Variants in CEP126 observed in about 807,000 individuals in gnomAD.
CEP126 encodes the protein centrosomal protein of 126 kDa.
Under a neutral mutation model 107.8 loss-of-function variants are expected in CEP126, and 74 were observed. That is an observed-to-expected ratio of 0.69 (90% CI 0.57 to 0.83). CEP126 has a LOEUF of 0.83. Among genes scored for constraint, CEP126 ranks in the 40% least tolerant of loss-of-function variants. The probability of loss-of-function intolerance (pLI) is 0.00; values close to 1 mark genes in which losing one functional copy is unlikely to be tolerated. For missense variants in CEP126, 1,237 were observed against 1,281.9 expected (o/e 0.96, Z 0.53); for synonymous variants, 449 against 446.0 (o/e 1.01, Z -0.08).
intron 4 of CEP126, chr11:101,956,773 C>A: frequency 2.2e-6 from 1 of 451,660 alleles, no homozygotes; most frequent in Non-Finnish European, 4.4e-6. Flanking sequence ...TTTCCTCTTC[C>A]TTTCCCCCTA....
chr11:101,963,608 G>C lies in CEP126; in HGVS notation c.2573G>C (p.Ser858Thr). 2 of 1,614,130 alleles carry C rather than the reference G, an allele frequency of 1.2e-6. No homozygotes were observed. The highest frequency in any genetic ancestry group is 2.2e-5 in the South Asian group (2 of 91,072). ...HSLNQWNQES[S>T]SPLSNACSDL... The stretch of plus-strand genomic sequence containing the variant: ...TTGAATCAGTGGAATCAGGAAAGTA[G>C]TTCTCCACTCTCAAATGCTTGTTCT... The change falls in exon 6 of 11, where the codon AGT becomes ACT. Residue 858 changes from serine to threonine, a missense_variant. By Grantham distance (58) the Ser-to-Thr change is moderately conservative. Coordinates refer to ENST00000263468, the MANE Select transcript of CEP126 (RefSeq NM_020802.4).
chr11:101,916,995 T>C (rs939716270), intron 1 of CEP126, among the ~76,000 whole-genome samples: 1 of 151,352 alleles, frequency 6.6e-6, no homozygotes, highest in Non-Finnish European at 1.5e-5. Context: ...AACATTTTAA[T>C]AGATGACCAA....
intron 4 of CEP126, among the ~76,000 whole-genome samples, chr11:101,950,688 T>G (rs1423067411): frequency 6.6e-6 from 1 of 152,230 alleles, no homozygotes; most frequent in Non-Finnish European, 1.5e-5. Flanking sequence ...TTTAGGCATG[T>G]GCAGTGCTAC....
intron 2 of CEP126, among the ~76,000 whole-genome samples, chr11:101,934,863 A>G (rs929876339): frequency 1.3e-5 from 2 of 152,152 alleles, no homozygotes; most frequent in Non-Finnish European, 2.9e-5. Context: ...GAGAGAATCC[A>G]TAAGTAGGAA....
intron 4 of CEP126, among the ~76,000 whole-genome samples, chr11:101,948,640 A>G (rs988693310): frequency 1.3e-5 from 2 of 152,146 alleles, no homozygotes; most frequent in African/African-American, 4.8e-5. Context: ...CCAATCAACC[A>G]CTGGGTACCC....
chr11:101,997,703 C>A lies in CEP126; in HGVS notation c.*60C>A. On this transcript the variant is annotated 3_prime_UTR_variant, in exon 11 of 11. Coordinates refer to ENST00000263468, the MANE Select transcript of CEP126 (RefSeq NM_020802.4). ...TACTTCCCTAGGACTAGATGCATACCGTTTTGTGAAAACCAGCCATAGGAA... is the reference window on the plus strand; with the variant it reads ...TACTTCCCTAGGACTAGATGCATACAGTTTTGTGAAAACCAGCCATAGGAA... 2 of 1,604,978 alleles carry A rather than the reference C, an allele frequency of 1.2e-6. No homozygotes were observed. Among genetic ancestry groups the A allele is most frequent in the Non-Finnish European group, 8.5e-7 (1 of 1,175,368 alleles).
intron 7 of CEP126, among the ~76,000 whole-genome samples, chr11:101,980,772 C>T (rs1248614467): frequency 1.3e-5 from 2 of 152,110 alleles, no homozygotes; most frequent in Non-Finnish European, 2.9e-5. Flanking sequence ...GAGAAAATCT[C>T]AAAGAGATAA....
At position 102,000,114 on chromosome 11, in the gene CEP126, G is replaced by A. The variant is rs1941490545; in HGVS notation, c.*2471G>A. On this transcript the variant is annotated 3_prime_UTR_variant, in exon 11 of 11. Transcript: ENST00000263468. ...GAATCGTTTGAACCCAGGAGGTAGA[G>A]GTTGCAGTGAGCTGAGATTGCACCA... 1 of 152,088 alleles carries A rather than the reference G, an allele frequency of 6.6e-6. No homozygotes were observed. Among genetic ancestry groups the A allele is most frequent in the Non-Finnish European group, 1.5e-5 (1 of 68,040 alleles). The allele number at this position is 152,088 out of a possible 1,614,324, so 9.4% of individuals were successfully genotyped here. A position where few individuals can be genotyped will look rare whatever the true frequency, so the allele number is the denominator to read the frequency against.
chr11:101,982,771 T>C (rs766533635), intron 8 of CEP126, among the ~76,000 whole-genome samples: 13 of 152,168 alleles, frequency 8.5e-5, no homozygotes, highest in Non-Finnish European at 1.9e-4. Context: ...ATGTAGAATA[T>C]CCCTAATCCA....
chr11:101,996,593 TAAA>T (rs2137139876), intron 10 of CEP126, among the ~76,000 whole-genome samples: 1 of 152,308 alleles, frequency 6.6e-6, no homozygotes, highest in Admixed American at 6.5e-5. Context: ...CGGTCTCTTA[TAAA>T]TCAGTGTAAA....
Position 101,999,856 on chromosome 11 carries a change from G to C in CEP126, c.*2213G>C, listed in dbSNP as rs948375663. ...AGCCCAGGAGTTTGAGACCAGCCTG[G>C]GCAATGTAGCAAGACCCCATCTCTA... On this transcript the variant is annotated 3_prime_UTR_variant, in exon 11 of 11. Coordinates refer to ENST00000263468, the MANE Select transcript of CEP126 (RefSeq NM_020802.4). 2 of 152,294 alleles carry C rather than the reference G, an allele frequency of 1.3e-5. No individual in the cohort carries two copies. The highest frequency in any genetic ancestry group is 2.9e-5 in the Non-Finnish European group (2 of 68,236). 9.4% of individuals were successfully genotyped at this position (152,294 alleles called of 1,614,324 possible). A position where few individuals can be genotyped will look rare whatever the true frequency, so the allele number is the denominator to read the frequency against.
chr11:101,940,484 A>G (rs947601094), intron 2 of CEP126, among the ~76,000 whole-genome samples: 1 of 152,228 alleles, frequency 6.6e-6, no homozygotes, highest in Non-Finnish European at 1.5e-5. Context: ...ATTTGCTTCT[A>G]TATAACAAAC....
Position 101,963,445 on chromosome 11 carries a change from C to T in CEP126, c.2410C>T (p.Pro804Ser). 1 of 1,614,114 alleles carries T rather than the reference C, an allele frequency of 6.2e-7. No homozygotes were observed. The highest frequency in any genetic ancestry group is 2.2e-5 in the East Asian group (1 of 44,878). ...QGKLIIPCPP[P>S]QSTSNIRSGK... is the part of the protein sequence containing the mutation. ...AAAATTAATTATACCTTGTCCTCCT[C>T]CTCAATCTACATCAAATATTAGAAG... Residue 804 changes from proline (P) to serine (S), a missense_variant, in exon 6 of 11, where the codon CCT becomes TCT. Coordinates refer to ENST00000263468, the MANE Select transcript of CEP126 (RefSeq NM_020802.4).
intron 9 of CEP126, among the ~76,000 whole-genome samples, chr11:101,987,853 T>G (rs1591295584): frequency 6.6e-6 from 1 of 152,212 alleles, no homozygotes; most frequent in African/African-American, 2.4e-5. Flanking sequence ...GATCCCAAAC[T>G]GGTAGTATTC....
At chr11:101,965,993 G>T (rs916207377) in intron 6 of CEP126, among the ~76,000 whole-genome samples, 14 of 151,966 alleles carry the variant, frequency 9.2e-5, no homozygotes, top group African/African-American at 3.4e-4. Flanking sequence ...TGTACAAAAG[G>T]GTAACATATT....
chr11:101,957,298 G>T (rs78331032), intron 4 of CEP126, among the ~76,000 whole-genome samples: 5,313 of 152,192 alleles, frequency 0.035, 311 homozygotes, highest in African/African-American at 0.12. Flanking sequence ...AATTGAATTA[G>T]GAATAAATGC....
In CEP126 at chr11:102,000,115, G is replaced by T. The variant is rs532288140; in HGVS notation, c.*2472G>T. On this transcript the variant is annotated 3_prime_UTR_variant, in exon 11 of 11. Transcript: ENST00000263468. ...AATCGTTTGAACCCAGGAGGTAGAGGTTGCAGTGAGCTGAGATTGCACCAC... is the reference window on the plus strand; with the variant it reads ...AATCGTTTGAACCCAGGAGGTAGAGTTTGCAGTGAGCTGAGATTGCACCAC... 2.0e-4 allele frequency: 31 copies of T among 152,130 alleles called. No homozygotes were observed. Among genetic ancestry groups the T allele is most frequent in the African/African-American group, 7.5e-4 (31 of 41,492 alleles). The allele number at this position is 152,130 out of a possible 1,614,324, so 9.4% of individuals were successfully genotyped here.
chr11:101,932,037 C>T (rs11225070), intron 2 of CEP126, among the ~76,000 whole-genome samples: 22,203 of 152,172 alleles, frequency 0.15, 2,254 homozygotes, highest in East Asian at 0.5. Flanking sequence ...GTTTCTTCTG[C>T]GAAAAAGACT....
In CEP126 at chr11:102,000,005, A is replaced by C. The variant is rs1941488611; in HGVS notation, c.*2362A>C. On this transcript the variant is annotated 3_prime_UTR_variant, in exon 11 of 11. Coordinates refer to ENST00000263468, the MANE Select transcript of CEP126 (RefSeq NM_020802.4). ...AGACCATCCTGGCCAACATGGTGAA[A>C]CCCTGTCTCTACTAAAAATACAAAA... 6.6e-6 allele frequency: 1 copy of C among 152,154 alleles called. No homozygotes were observed. The highest frequency in any genetic ancestry group is 6.6e-5 in the Admixed American group (1 of 15,260). 9.4% of individuals were successfully genotyped at this position (152,154 alleles called of 1,614,324 possible).
Sources: allele counts gnomAD v4.1 joint callset (sites outside exome capture counted in the v4.1 genomes callset), GRCh38; gene constraint gnomAD v4.1.1; transcripts MANE v1.5; gene names NCBI Gene and HGNC (gene_info 2026-07-23, HGNC 2026-07-21).